The following KIF20B variants were observed in gnomAD, a reference collection of about 807,000 sequenced individuals.
The protein encoded by KIF20B is kinesin family member 20B.
A neutral mutation model predicts 232.5 loss-of-function variants in KIF20B; 188 were observed. That is an observed-to-expected ratio of 0.81 (90% confidence interval 0.72 to 0.91). The LOEUF (loss-of-function observed/expected upper bound fraction) is 0.91. Ranked by LOEUF, KIF20B falls within the 40% of genes least tolerant of loss-of-function variation. The pLI is 0.00. For missense variants in KIF20B, 2,154 were observed against 2,055.9 expected, an observed-to-expected ratio of 1.05 and a Z score of -0.92; for synonymous variants, 712 against 683.0, an observed-to-expected ratio of 1.04 and a Z score of -0.66.
intron 26 of KIF20B, among the ~76,000 whole-genome samples, chr10:89,755,900 C>A (rs1842110303): frequency 6.6e-6 from 1 of 152,096 alleles, no homozygotes; most frequent in African/African-American, 2.4e-5. Flanking sequence ...TTGTACCCGG[C>A]CTGAAATGTT....
chr10:89,715,178 A>G lies in KIF20B; in HGVS notation c.936A>G (p.Ile312Met). The G allele has an allele frequency of 6.4e-7, 1 of 1,573,050 alleles. No individual in the cohort carries two copies. Among genetic ancestry groups the G allele is most frequent in the Non-Finnish European group, 8.7e-7 (1 of 1,151,836 alleles). Residue 312 changes from isoleucine to methionine, a missense_variant, in exon 8 of 33, where the codon ATA (isoleucine) becomes ATG (methionine). Physicochemically the swap from Ile to Met is conservative, Grantham distance 10. Transcript: ENST00000371728. ...LSQDVKGYSFIKDLQWIQVSD... is the reference protein window; with the variant it reads ...LSQDVKGYSFMKDLQWIQVSD... ...AAGACGTAAAGGGCTATTCTTTTATAAAAGGTATACTAATGAATATTTTTA... is the reference window on the plus strand; with the variant it reads ...AAGACGTAAAGGGCTATTCTTTTATGAAAGGTATACTAATGAATATTTTTA...
intron 4 of KIF20B, 147 bp from the exon 5 acceptor site, chr10:89,709,780 C>T: frequency 1.9e-6 from 1 of 524,062 alleles, no homozygotes; most frequent in East Asian, 3.5e-5. Context: ...GGTAGTAAAA[C>T]TATCAAATGT....
At chr10:89,704,495 A>T (rs1020289854) in intron 1 of KIF20B, among the ~76,000 whole-genome samples, 2 of 151,992 alleles carry the variant, frequency 1.3e-5, no homozygotes, top group African/African-American at 4.8e-5. Context: ...ATGTGTTTAC[A>T]TATATTATTT....
In KIF20B at chr10:89,709,939, G is replaced by C; in HGVS notation, c.364G>C (p.Ala122Pro). The C allele has an allele frequency of 6.4e-7, 1 of 1,574,470 alleles. No individual in the cohort carries two copies. The highest frequency in any genetic ancestry group is 1.4e-5 in the African/African-American group (1 of 72,608). ...KFSFSKVFGPATTQKEFFQGC... is the reference protein window; with the variant it reads ...KFSFSKVFGPPTTQKEFFQGC... ...AATGTTTGCTTAGGTTTTTGGCCCA[G>C]CAACTACACAGAAGGAATTCTTTCA... Residue 122 changes from alanine to proline, a missense_variant, in exon 5 of 33, where the codon GCA (alanine) becomes CCA (proline). Coordinates refer to ENST00000371728, the MANE Select transcript of KIF20B (RefSeq NM_001284259.2).
chr10:89,713,044 GAA>G (rs1842864645), intron 6 of KIF20B, among the ~76,000 whole-genome samples: 1 of 152,012 alleles, frequency 6.6e-6, no homozygotes, highest in African/African-American at 2.4e-5. Context: ...ATTCATAGAG[GAA>G]ATTAAAATCA....
Position 89,717,631 on chromosome 10 carries a change from G to A in KIF20B, c.1180G>A (p.Gly394Ser), listed in dbSNP as rs1341383895. 6.2e-7 allele frequency: 1 copy of A among 1,611,684 alleles called. No homozygotes were observed. The highest frequency in any genetic ancestry group is 8.5e-7 in the Non-Finnish European group (1 of 1,178,366). Residue 394 changes from glycine to serine, a missense_variant, in exon 11 of 33, where the codon GGT becomes AGT. By Grantham distance (56) the Gly-to-Ser change is moderately conservative (BLOSUM62 0). Coordinates refer to ENST00000371728, the MANE Select transcript of KIF20B (RefSeq NM_001284259.2). Reference protein sequence around the residue: ...SERTMKTQNEGERLRETGNIN... With the variant: ...SERTMKTQNESERLRETGNIN... ...ACGAACTATGAAGACACAGAATGAA[G>A]GTGAAAGGTTAAGAGAGACTGGGAA...
chr10:89,755,942 C>CT (rs568598438), intron 26 of KIF20B, among the ~76,000 whole-genome samples: 45 of 152,234 alleles, frequency 3.0e-4, no homozygotes, highest in Non-Finnish European at 5.9e-4. Context: ...AGTTTTTCCA[C>CT]TTTTTTTCTT....
intron 31 of KIF20B, among the ~76,000 whole-genome samples, chr10:89,770,249 T>G (rs1370942355): frequency 6.6e-6 from 1 of 152,054 alleles, no homozygotes; most frequent in Non-Finnish European, 1.5e-5. Flanking sequence ...CTGAGGTGCT[T>G]CTGTAAGTTT....
intron 23 of KIF20B, among the ~76,000 whole-genome samples, chr10:89,750,044 T>C (rs970891073): frequency 3.9e-5 from 6 of 152,156 alleles, no homozygotes; most frequent in Non-Finnish European, 5.9e-5. Flanking sequence ...ATTTTATCAT[T>C]TTGGTGTGTA....
chr10:89,765,300 A>T lies in KIF20B; in HGVS notation c.4989+2465A>T, dbSNP rs1317298031. ...CCCATTCGCAATTGCTTCAAAGAGA[A>T]TAAAATACCTAGGAATCCAACTTAC... On this transcript the variant is annotated intron_variant, in intron 29 of 32. Coordinates refer to ENST00000371728, the MANE Select transcript of KIF20B (RefSeq NM_001284259.2). Among the ~76,000 whole-genome samples, 10 of 152,182 alleles carry T rather than the reference A, an allele frequency of 6.6e-5. 1 individual carries two copies. The highest frequency in any genetic ancestry group is 1.2e-4 in the African/African-American group (5 of 41,468).
rs1841708596 is a variant in KIF20B at position 89,738,214 on chromosome 10, AAAG to A, written c.3379_3381del (p.Glu1127del). On this transcript the variant is annotated inframe_deletion, in exon 20 of 33. Transcript: ENST00000371728. ...AAAAGAAACTCTTATACAGCAGCTG[AAAG>A]AAGAATTGCAAGAAAAAAATGTTAC... 3 of 1,602,780 alleles carry A rather than the reference AAAG, an allele frequency of 1.9e-6. No individual in the cohort carries two copies. The highest frequency in any genetic ancestry group is 1.1e-5 in the South Asian group (1 of 88,162).
chr10:89,718,289 C>G (rs1032521187), intron 11 of KIF20B, among the ~76,000 whole-genome samples: 2 of 151,924 alleles, frequency 1.3e-5, no homozygotes, highest in East Asian at 3.9e-4. Context: ...TTTTGGAGGC[C>G]GAGGCAGGAG....
Position 89,711,046 on chromosome 10 carries a change from C to T in KIF20B, c.576C>T (p.Asn192=). 1 of 1,607,926 alleles carries T rather than the reference C, an allele frequency of 6.2e-7. No individual in the cohort carries two copies. The highest frequency in any genetic ancestry group is 8.5e-7 in the Non-Finnish European group (1 of 1,176,380). ...AAGAAAGACTGTATACAAAGATGAA[C>T]CTTAAACCACATAGATCCAGAGAAT... ...SLQERLYTKM[N]LKPHRSREYL... Residue 192 remains asparagine, a synonymous_variant, in exon 6 of 33, where the codon AAC becomes AAT. Transcript: ENST00000371728.
chr10:89,740,811 A>C (rs758427388), intron 21 of KIF20B, among the ~76,000 whole-genome samples: 1 of 152,134 alleles, frequency 6.6e-6, no homozygotes, highest in Non-Finnish European at 1.5e-5. Context: ...CAGGTGTGCC[A>C]CCATGCCCTA....
At chr10:89,763,942 A>G (rs1218283078) in intron 29 of KIF20B, among the ~76,000 whole-genome samples, 2 of 150,870 alleles carry the variant, frequency 1.3e-5, no homozygotes, top group Non-Finnish European at 3.0e-5. Flanking sequence ...CATGTGCACA[A>G]TGTGCAGTTT....
intron 32 of KIF20B, among the ~76,000 whole-genome samples, chr10:89,773,309 A>C (rs1049738578): frequency 1.3e-5 from 2 of 152,050 alleles, no homozygotes; most frequent in African/African-American, 4.8e-5. Context: ...ATGTGCTGTC[A>C]CAGGGAAAGC....
At chr10:89,752,248 A>G (rs146398772) in intron 24 of KIF20B, among the ~76,000 whole-genome samples, 50 of 152,230 alleles carry the variant, frequency 3.3e-4, no homozygotes, top group African/African-American at 1.2e-3. Context: ...ATACTTTTCT[A>G]GCCACTTTCA....
chr10:89,768,371 T>G lies in KIF20B; in HGVS notation c.5071T>G (p.Ser1691Ala). 1 of 1,582,990 alleles carries G rather than the reference T, an allele frequency of 6.3e-7. No homozygotes were observed. The highest frequency in any genetic ancestry group is 1.4e-5 in the African/African-American group (1 of 73,350). ...KFPISDDRNS[S>A]VKKEQKVAIR... is the part of the protein sequence containing the mutation. The stretch of plus-strand genomic sequence containing the variant: ...TCCTATTTCAGATGATAGAAATTCT[T>G]CTGTCAAAAAGGAACAAAAGGTGTG... The change falls in exon 30 of 33, where the codon TCT (serine) becomes GCT (alanine). Residue 1691 changes from serine (S) to alanine (A), a missense_variant. By Grantham distance (99) the Ser-to-Ala change is moderately conservative (BLOSUM62 1). Transcript: ENST00000371728.
At chr10:89,766,796 C>T (rs559276333) in intron 29 of KIF20B, among the ~76,000 whole-genome samples, 1 of 152,088 alleles carries the variant, frequency 6.6e-6, no homozygotes, top group African/African-American at 2.4e-5. Flanking sequence ...TTCTGCTACA[C>T]ATGTAACACC....
Sources: allele counts gnomAD v4.1 joint callset (sites outside exome capture counted in the v4.1 genomes callset), GRCh38; gene constraint gnomAD v4.1.1; transcripts MANE v1.5; gene names NCBI Gene and HGNC (gene_info 2026-07-23, HGNC 2026-07-21).